The following THSD4 variants were observed in gnomAD, a reference collection of about 807,000 sequenced individuals.
THSD4 encodes the protein thrombospondin type-1 domain-containing protein 4.
THSD4 carries 69 observed loss-of-function variants against 119.0 expected under a neutral mutation model. That is an observed-to-expected ratio of 0.58 (90% CI 0.48 to 0.71). The LOEUF is 0.71. THSD4 is among the 30% of genes least tolerant of loss of function. The probability of loss-of-function intolerance (pLI) is 0.00; values close to 1 mark genes in which losing one functional copy is unlikely to be tolerated. For synonymous variants in THSD4, 524 were observed against 540.4 expected, an observed-to-expected ratio of 0.97 and a Z score of 0.42; for missense variants, 1,393 against 1,391.1, an observed-to-expected ratio of 1.00 and a Z score of -0.02.
In THSD4 at chr15:71,580,934, C is replaced by A. The variant is rs2049547328; in HGVS notation, c.1153-79596C>A. ...GTTATATATATACACACACACACAC[C>A]CCATATTCTCTTTATCCATTCATCC... On this transcript the variant is annotated intron_variant, in intron 7 of 17. Coordinates refer to ENST00000261862, the MANE Select transcript of THSD4 (RefSeq NM_024817.3). Among the ~76,000 whole-genome samples the A allele has an allele frequency of 2.0e-5, 3 of 151,704 alleles. No individual in the cohort carries two copies. In the South Asian group the frequency reaches 6.3e-4, roughly 32 times the overall value.
At chr15:71,613,443 C>G (rs1001566702) in intron 7 of THSD4, among the ~76,000 whole-genome samples, 1 of 152,124 alleles carries the variant, frequency 6.6e-6, no homozygotes, top group Non-Finnish European at 1.5e-5. Flanking sequence ...AGAATTAAGA[C>G]ATAAATAGGA....
intron 8 of THSD4, among the ~76,000 whole-genome samples, chr15:71,664,256 A>AGC (rs2051371134): frequency 6.6e-6 from 1 of 152,120 alleles, no homozygotes; most frequent in Admixed American, 6.5e-5. Flanking sequence ...TGCTGGGATT[A>AGC]CAGGCATGAG....
chr15:71,507,227 A>G (rs4776556), intron 7 of THSD4, among the ~76,000 whole-genome samples: 147,427 of 152,204 alleles, frequency 0.97, 71,565 homozygotes, highest in East Asian at 1. Flanking sequence ...GCCCTGCCCC[A>G]GCACCTGCAA....
intron 1 of THSD4, among the ~76,000 whole-genome samples, chr15:71,101,894 C>T (rs753033750): frequency 4.0e-5 from 6 of 151,718 alleles, no homozygotes; most frequent in African/African-American, 9.7e-5. Context: ...TTTGTATTTT[C>T]GTAGAGACGG....
intron 7 of THSD4, among the ~76,000 whole-genome samples, chr15:71,485,936 ACCAGGAATAGCT>A (rs1447630099): frequency 6.6e-6 from 1 of 152,182 alleles, no homozygotes; most frequent in Non-Finnish European, 1.5e-5. Context: ...AAACTTTCTA[ACCAGGAATAGCT>A]CCCCCTTTGC....
At chr15:71,368,204 A>G (rs1052932010) in intron 6 of THSD4, among the ~76,000 whole-genome samples, 125 of 152,204 alleles carry the variant, frequency 8.2e-4, no homozygotes, top group African/African-American at 2.9e-3. Flanking sequence ...AGATGAGTAG[A>G]TTGCAAAAAT....
chr15:71,492,621 G>T (rs77875366), intron 7 of THSD4, among the ~76,000 whole-genome samples: 1 of 152,086 alleles, frequency 6.6e-6, no homozygotes, highest in Non-Finnish European at 1.5e-5. Flanking sequence ...AAGCAAAACC[G>T]CTGAGGACCT....
At chr15:71,273,106 C>G (rs2044551710) in intron 6 of THSD4, among the ~76,000 whole-genome samples, 1 of 152,214 alleles carries the variant, frequency 6.6e-6, no homozygotes, top group South Asian at 2.1e-4. Context: ...ATGTTCACTG[C>G]AGCGTTATTC....
At chr15:71,719,403 A>T (rs1007251364) in intron 8 of THSD4, among the ~76,000 whole-genome samples, 2 of 152,226 alleles carry the variant, frequency 1.3e-5, no homozygotes, top group Non-Finnish European at 2.9e-5. Context: ...CAGAAACCAT[A>T]ATTTGGACAT....
In THSD4 at chr15:71,589,147, G is replaced by A. The variant is rs563381732; in HGVS notation, c.1153-71383G>A. ...CAATTTCAGGTCTGAATATATATCC[G>A]AGGTTCATTAATGCCTTATACAGTG... On this transcript the variant is annotated intron_variant, in intron 7 of 17. Coordinates refer to ENST00000261862, the MANE Select transcript of THSD4 (RefSeq NM_024817.3). Among the ~76,000 whole-genome samples the A allele has an allele frequency of 1.9e-4, 29 of 152,260 alleles. No homozygotes were observed. In the South Asian group the frequency reaches 5.8e-3, roughly 30 times the overall value.
intron 7 of THSD4, among the ~76,000 whole-genome samples, chr15:71,499,280 G>A (rs980275695): frequency 2.6e-5 from 4 of 151,874 alleles, no homozygotes; most frequent in African/African-American, 7.3e-5. Context: ...CTTCCTCCAC[G>A]GCCAAGGAGG....
intron 7 of THSD4, among the ~76,000 whole-genome samples, chr15:71,507,176 C>T (rs1050579348): frequency 4.6e-5 from 7 of 152,208 alleles, no homozygotes; most frequent in Non-Finnish European, 1.0e-4. Flanking sequence ...CTCCTGTACA[C>T]CTGTAATGGC....
intron 6 of THSD4, among the ~76,000 whole-genome samples, chr15:71,304,654 G>A (rs1207285564): frequency 6.6e-6 from 1 of 152,126 alleles, no homozygotes; most frequent in Non-Finnish European, 1.5e-5. Context: ...AGAGAATTCA[G>A]GTGCTGCTGG....
intron 7 of THSD4, among the ~76,000 whole-genome samples, chr15:71,473,758 G>A (rs2047617401): frequency 6.6e-6 from 1 of 152,122 alleles, no homozygotes; most frequent in South Asian, 2.1e-4. Flanking sequence ...AGTTTGAATG[G>A]AGCTAGCAAA....
At chr15:71,338,051 C>T (rs954043515) in intron 6 of THSD4, among the ~76,000 whole-genome samples, 1 of 152,172 alleles carries the variant, frequency 6.6e-6, no homozygotes, top group Non-Finnish European at 1.5e-5. Context: ...CTTCCCTGTT[C>T]TATCATTAAA....
At chr15:71,216,993 C>T (rs1054043028) in intron 4 of THSD4, among the ~76,000 whole-genome samples, 1 of 152,096 alleles carries the variant, frequency 6.6e-6, no homozygotes, top group Non-Finnish European at 1.5e-5. Flanking sequence ...GGTGGGGTTT[C>T]GCCATGTTGG....
At chr15:71,684,683 T>G (rs1165307110) in intron 8 of THSD4, among the ~76,000 whole-genome samples, 1 of 152,154 alleles carries the variant, frequency 6.6e-6, no homozygotes, top group Non-Finnish European at 1.5e-5. Flanking sequence ...TGCTAGGACC[T>G]TATTTGGGAT....
chr15:71,370,441 A>C lies in THSD4; in HGVS notation c.1016-41246A>C, dbSNP rs751592430. Among the ~76,000 whole-genome samples the C allele has an allele frequency of 1.8e-4, 27 of 152,294 alleles. 1 individual carries two copies. Among genetic ancestry groups the C allele is most frequent in the South Asian group, 2.1e-4 (1 of 4,832 alleles). ...TTTAGTGCTATAAATTTCCCTCTAC[A>C]TACTGCTTTAAATGTGTCCCAGAGA... On this transcript the variant is annotated intron_variant, in intron 6 of 17. Transcript: ENST00000261862.
intron 6 of THSD4, among the ~76,000 whole-genome samples, chr15:71,360,395 A>C (rs2045877928): frequency 6.6e-6 from 1 of 152,172 alleles, no homozygotes; most frequent in African/African-American, 2.4e-5. Context: ...CAGATTCAAC[A>C]CGATGGGTTA....
Sources: allele counts gnomAD v4.1 joint callset (sites outside exome capture counted in the v4.1 genomes callset), GRCh38; gene constraint gnomAD v4.1.1; transcripts MANE v1.5; gene names NCBI Gene and HGNC (gene_info 2026-07-23, HGNC 2026-07-21).